GBA1: variants seen among roughly 807,000 people sequenced by gnomAD.
The protein encoded by GBA1 is lysosomal acid glucosylceramidase.
chr1:155,240,248 G>A, the GBA1 span: 8 of 636,854 alleles, frequency 1.3e-5, no homozygotes, highest in African/African-American at 3.6e-5. Flanking sequence ...CGGATCACCT[G>A]AGGTGAGGAG....
At chr1:155,241,683 T>C in the GBA1 span, among the ~76,000 whole-genome samples, 3 of 152,106 alleles carry the variant, frequency 2.0e-5, no homozygotes, top group African/African-American at 7.2e-5. Flanking sequence ...GTAACAGGTG[T>C]GCATGGAGAG....
At chr1:155,243,978 G>GA in the GBA1 span, 2 of 152,234 alleles carry the variant, frequency 1.3e-5, no homozygotes, top group Non-Finnish European at 2.9e-5. Context: ...TCACATGTCT[G>GA]AAGAACGTAT....
the GBA1 span, chr1:155,239,587 C>T: frequency 1.2e-6 from 2 of 1,613,704 alleles, no homozygotes; most frequent in African/African-American, 2.7e-5. Context: ...TTCAATGGCT[C>T]TATGTCATCT....
chr1:155,235,618 A>G, the GBA1 span: 3 of 1,489,218 alleles, frequency 2.0e-6, no homozygotes, highest in African/African-American at 4.2e-5. Context: ...AGAGTGATGT[A>G]AGCCATCCGA....
the GBA1 span, among the ~76,000 whole-genome samples, chr1:155,241,964 T>C: frequency 6.6e-6 from 1 of 152,144 alleles, no homozygotes; most frequent in Admixed American, 6.5e-5. Flanking sequence ...ACCAAAGTGT[T>C]GTACAAAGCC....
At chr1:155,241,408 C>T in the GBA1 span, 2 of 509,892 alleles carry the variant, frequency 3.9e-6, no homozygotes, top group Non-Finnish European at 7.1e-6. Context: ...TGGGTGACAA[C>T]TTTAGGAAGA....
chr1:155,235,294 C>T, the GBA1 span: 4 of 1,613,322 alleles, frequency 2.5e-6, no homozygotes, highest in African/African-American at 1.3e-5. Context: ...TCTCTGGGAG[C>T]CCTCAGGAAT....
the GBA1 span, chr1:155,239,849 C>A: frequency 6.2e-7 from 1 of 1,613,966 alleles, no homozygotes; most frequent in Non-Finnish European, 8.5e-7. Context: ...CTAGGAGGAC[C>A]CAGCCTGGCC....
the GBA1 span, among the ~76,000 whole-genome samples, chr1:155,236,830 T>C: frequency 6.6e-6 from 1 of 152,000 alleles, no homozygotes; most frequent in Admixed American, 6.6e-5. Flanking sequence ...TATATACACA[T>C]ACATACATGA....
chr1:155,235,988 G>T, the GBA1 span: 1 of 969,554 alleles, frequency 1.0e-6, no homozygotes, highest in Non-Finnish European at 1.6e-6. Flanking sequence ...AGGAGTTGGG[G>T]GTGTGAAGAT....
the GBA1 span, among the ~76,000 whole-genome samples, chr1:155,237,143 T>G: frequency 6.6e-6 from 1 of 152,136 alleles, no homozygotes; most frequent in Non-Finnish European, 1.5e-5. Context: ...GTGCTGGGTT[T>G]GCATGAGTGA....
the GBA1 span, chr1:155,235,855 G>A: frequency 5.0e-6 from 8 of 1,614,240 alleles, no homozygotes; most frequent in South Asian, 6.6e-5. Context: ...CTAGGGTAAG[G>A]ACAAAGGCAA....
the GBA1 span, chr1:155,239,600 T>C: frequency 1.9e-6 from 3 of 1,614,098 alleles, no homozygotes; most frequent in South Asian, 2.2e-5. Context: ...TGTCATCTTG[T>C]CCCCTTCCTC....
At chr1:155,238,189 G>A in the GBA1 span, 3 of 1,614,216 alleles carry the variant, frequency 1.9e-6, no homozygotes, top group Non-Finnish European at 2.5e-6. Context: ...TGTCCCTTGA[G>A]TGACCCCTTC....
the GBA1 span, chr1:155,237,708 C>T: frequency 7.8e-6 from 12 of 1,538,200 alleles, no homozygotes; most frequent in Middle Eastern, 1.7e-4. Flanking sequence ...TTCAGGAGTT[C>T]GAGAACAGCC....
At chr1:155,244,126 GC>G in the GBA1 span, 1 of 152,302 alleles carries the variant, frequency 6.6e-6, no homozygotes, top group East Asian at 1.9e-4. Context: ...TTGGCCGGGC[GC>G]GGTGGCTCAC....
the GBA1 span, chr1:155,240,193 G>T: frequency 1.1e-6 from 1 of 917,604 alleles, no homozygotes; most frequent in Non-Finnish European, 1.7e-6. Context: ...GCCGGGCGCA[G>T]GGGCTCACAC....
the GBA1 span, chr1:155,238,246 G>T: frequency 6.2e-7 from 1 of 1,613,038 alleles, no homozygotes; most frequent in Non-Finnish European, 8.5e-7. Flanking sequence ...GATGTCCAGG[G>T]GCTGGCAAGG....
the GBA1 span, chr1:155,238,183 C>T: frequency 6.2e-7 from 1 of 1,614,144 alleles, no homozygotes; most frequent in Non-Finnish European, 8.5e-7. Context: ...CCGGGCTGTC[C>T]CTTGAGTGAC....
Sources: allele counts gnomAD v4.1 joint callset (sites outside exome capture counted in the v4.1 genomes callset), GRCh38; gene constraint gnomAD v4.1.1; transcripts MANE v1.5; gene names NCBI Gene and HGNC (gene_info 2026-07-23, HGNC 2026-07-21).